Variants in NRG1 observed in about 807,000 individuals in gnomAD.
NRG1 encodes the protein pro-neuregulin-1, membrane-bound isoform.
Under a neutral mutation model 63.8 loss-of-function variants are expected in NRG1, and 18 were observed. The ratio of observed to expected loss-of-function variants is 0.28; its 90% CI spans 0.19 to 0.42. The LOEUF (loss-of-function observed/expected upper bound fraction) is 0.42. NRG1 is among the 10% of genes least tolerant of loss of function. The probability of loss-of-function intolerance (pLI) is 1.00; values close to 1 mark genes in which losing one functional copy is unlikely to be tolerated. For missense variants in NRG1, 762 were observed against 814.7 expected (o/e 0.94, Z 0.79); for synonymous variants, 302 against 301.3 (o/e 1.00, Z -0.02).
intron 1 of NRG1, among the ~76,000 whole-genome samples, chr8:31,747,017 T>C (rs1042016729): frequency 1.3e-5 from 2 of 151,600 alleles, no homozygotes; most frequent in Non-Finnish European, 2.9e-5. Flanking sequence ...CTGGGAAGGG[T>C]AGTGGGGGCT....
In NRG1 at chr8:32,676,526, A is replaced by AT. The variant is rs201318389; in HGVS notation, c.503-51419dup. 9.0e-3 allele frequency among the ~76,000 whole-genome samples: 1,363 copies of AT among 152,262 alleles called. 8 individuals carry two copies. The highest frequency in any genetic ancestry group is 0.027 in the Middle Eastern group (8 of 294). On this transcript the variant is annotated intron_variant, in intron 5 of 11. Coordinates refer to ENST00000356819, the Ensembl canonical transcript of NRG1. ...ATGTGACCCTTGGCAATCTGTTTAA[A>AT]TTTTAGCATTTTCATGTTTTTCCCA...
intron 1 of NRG1, among the ~76,000 whole-genome samples, chr8:31,914,107 G>A (rs1044121814): frequency 6.6e-6 from 1 of 152,098 alleles, no homozygotes. Context: ...ATTCCCCAAA[G>A]AGAAGACTTC....
At chr8:32,431,098 C>A (rs1818086848) in intron 1 of NRG1, among the ~76,000 whole-genome samples, 1 of 152,116 alleles carries the variant, frequency 6.6e-6, no homozygotes, top group Non-Finnish European at 1.5e-5. Flanking sequence ...GAATGTGAGG[C>A]TCAGAGAAGT....
chr8:32,747,629 C>T (rs1193999245), intron 7 of NRG1, among the ~76,000 whole-genome samples: 1 of 151,570 alleles, frequency 6.6e-6, no homozygotes, highest in African/African-American at 2.4e-5. Flanking sequence ...CTTGTGTACA[C>T]TGGACCCAAG....
intron 1 of NRG1, among the ~76,000 whole-genome samples, chr8:32,464,925 G>T (rs529071710): frequency 2.6e-5 from 4 of 151,996 alleles, no homozygotes; most frequent in Admixed American, 6.6e-5. Context: ...CTGTAATCCC[G>T]GCACTTTGGG....
intron 5 of NRG1, chr8:32,721,725 A>G (rs1468092696): frequency 1.4e-6 from 1 of 711,230 alleles, no homozygotes; most frequent in African/African-American, 1.9e-5. Context: ...ACCCAGAATG[A>G]CAAGGCTTCC....
At chr8:32,449,275 C>T (rs1820670467) in intron 1 of NRG1, among the ~76,000 whole-genome samples, 1 of 151,842 alleles carries the variant, frequency 6.6e-6, no homozygotes, top group African/African-American at 2.4e-5. Context: ...CTAGCCTGGG[C>T]AACAGAGCAA....
chr8:31,811,893 T>C (rs1822924930), intron 1 of NRG1, among the ~76,000 whole-genome samples: 1 of 152,180 alleles, frequency 6.6e-6, no homozygotes, highest in Admixed American at 6.5e-5. Context: ...AATCTATATA[T>C]TGAATTAAGC....
At chr8:32,769,166 A>G (rs1342455999), downstream of NRG1, among the ~76,000 whole-genome samples, 2 of 152,210 alleles carry the variant, frequency 1.3e-5, no homozygotes, top group Non-Finnish European at 2.9e-5. Context: ...TTAAAGATTG[A>G]GACATTATTC....
At chr8:31,830,272 AT>A (rs1461104986) in intron 1 of NRG1, among the ~76,000 whole-genome samples, 1 of 151,570 alleles carries the variant, frequency 6.6e-6, no homozygotes, top group Admixed American at 6.6e-5. Flanking sequence ...GTTATTGAAA[AT>A]TTTTATTTTT....
Position 32,136,378 on chromosome 8 carries a change from A to G in NRG1, c.38-459450A>G, listed in dbSNP as rs750611819. 1.6e-4 allele frequency among the ~76,000 whole-genome samples: 24 copies of G among 152,270 alleles called. 1 individual carries two copies. Among genetic ancestry groups the G allele is most frequent in the Admixed American group, 2.6e-4 (4 of 15,292 alleles). On this transcript the variant is annotated intron_variant, in intron 1 of 10. Coordinates refer to the NRG1 transcript ENST00000519301. Reference sequence around the variant, plus strand: ...AAATGCAAACACTTCAACCACTGCTATTGTCATAAAGTCCGTGGTCTCTGA... The same window carrying G: ...AAATGCAAACACTTCAACCACTGCTGTTGTCATAAAGTCCGTGGTCTCTGA...
intron 1 of NRG1, among the ~76,000 whole-genome samples, chr8:32,474,960 G>C (rs1824325650): frequency 6.6e-6 from 1 of 152,110 alleles, no homozygotes; most frequent in Admixed American, 6.5e-5. Context: ...TTGCTCTCTA[G>C]GAGAATGGAG....
intron 5 of NRG1, among the ~76,000 whole-genome samples, chr8:32,619,353 G>C (rs1449016597): frequency 6.6e-6 from 1 of 152,174 alleles, no homozygotes; most frequent in Non-Finnish European, 1.5e-5. Flanking sequence ...TGTGGGGTTG[G>C]AGTAGAAGGA....
intron 5 of NRG1, among the ~76,000 whole-genome samples, chr8:32,674,104 G>T (rs1691110324): frequency 1.3e-5 from 2 of 152,050 alleles, no homozygotes; most frequent in Non-Finnish European, 2.9e-5. Context: ...CCCTGTACAG[G>T]TATGTTAGAA....
chr8:32,316,763 C>T (rs1229527649), intron 1 of NRG1, among the ~76,000 whole-genome samples: 1 of 151,874 alleles, frequency 6.6e-6, no homozygotes, highest in African/African-American at 2.4e-5. Context: ...TCTCCTCTTT[C>T]AAGACACATT....
At chr8:31,757,248 A>G (rs887993269) in intron 1 of NRG1, among the ~76,000 whole-genome samples, 6 of 152,130 alleles carry the variant, frequency 3.9e-5, no homozygotes, top group Admixed American at 6.6e-5. Flanking sequence ...GATGAAAAAA[A>G]TGTTGCTTAA....
chr8:32,027,926 A>G (rs1817715028), intron 1 of NRG1, among the ~76,000 whole-genome samples: 1 of 152,328 alleles, frequency 6.6e-6, no homozygotes, highest in South Asian at 2.1e-4. Flanking sequence ...AAACTAACAG[A>G]AAAGCTACAA....
chr8:32,244,045 A>T (rs1013216311), intron 1 of NRG1, among the ~76,000 whole-genome samples: 1 of 152,192 alleles, frequency 6.6e-6, no homozygotes, highest in Non-Finnish European at 1.5e-5. Context: ...GCAATATATG[A>T]CATGGCCGTT....
intron 1 of NRG1, among the ~76,000 whole-genome samples, chr8:32,053,582 A>G (rs922919005): frequency 1.3e-5 from 2 of 152,212 alleles, no homozygotes; most frequent in South Asian, 2.1e-4. Context: ...TGATGTGTTT[A>G]GTTATCAAAC....
Sources: allele counts gnomAD v4.1 joint callset (sites outside exome capture counted in the v4.1 genomes callset), GRCh38; gene constraint gnomAD v4.1.1; transcripts MANE v1.5; gene names NCBI Gene and HGNC (gene_info 2026-07-23, HGNC 2026-07-21).